Variants in TMEM108 observed in about 807,000 individuals in gnomAD.
TMEM108 encodes cancer/testis antigen 124.
TMEM108 carries 12 observed loss-of-function variants against 35.1 expected under a neutral mutation model. That is an observed-to-expected ratio of 0.34 (90% CI 0.22 to 0.55). The LOEUF (loss-of-function observed/expected upper bound fraction) is 0.55, where lower values mean the gene tolerates loss of function less well. Ranked by LOEUF, TMEM108 falls within the 20% of genes least tolerant of loss-of-function variation. The probability of loss-of-function intolerance (pLI) is 0.89; values close to 1 mark genes in which losing one functional copy is unlikely to be tolerated. For synonymous variants in TMEM108, 287 were observed against 308.6 expected (o/e 0.93, Z 0.73); for missense variants, 680 against 753.3 (o/e 0.90, Z 1.14).
At chr3:133,236,672 A>G (rs914102347) in intron 3 of TMEM108, among the ~76,000 whole-genome samples, 2 of 151,770 alleles carry the variant, frequency 1.3e-5, no homozygotes, top group South Asian at 4.1e-4. Context: ...TGCCTTTTCA[A>G]CTCTAACCAT....
chr3:133,390,966 G>A (rs2073226464), intron 5 of TMEM108, among the ~76,000 whole-genome samples: 1 of 152,180 alleles, frequency 6.6e-6, no homozygotes, highest in South Asian at 2.1e-4. Context: ...GCTGAGCTTT[G>A]AACCCAGGAC....
At chr3:133,130,530 C>G (rs1426725747) in intron 2 of TMEM108, among the ~76,000 whole-genome samples, 1 of 152,136 alleles carries the variant, frequency 6.6e-6, no homozygotes, top group Non-Finnish European at 1.5e-5. Context: ...GACTTCTGTA[C>G]CAGTTCACTG....
At chr3:133,137,427 C>T (rs899861853) in intron 2 of TMEM108, among the ~76,000 whole-genome samples, 2 of 152,148 alleles carry the variant, frequency 1.3e-5, no homozygotes, top group African/African-American at 2.4e-5. Flanking sequence ...ATCCCTTGAT[C>T]GAAACACCAT....
At chr3:133,242,478 C>G (rs1946327178) in intron 3 of TMEM108, among the ~76,000 whole-genome samples, 1 of 152,192 alleles carries the variant, frequency 6.6e-6, no homozygotes, top group Non-Finnish European at 1.5e-5. Context: ...GGATAGAGAG[C>G]TGAGTGTTTT....
At chr3:133,157,101 C>T (rs1175280571) in intron 2 of TMEM108, among the ~76,000 whole-genome samples, 1 of 152,138 alleles carries the variant, frequency 6.6e-6, no homozygotes, top group Non-Finnish European at 1.5e-5. Context: ...TACTTGAGTA[C>T]CTGGATATCC....
chr3:133,301,796 A>G (rs1206265925), intron 3 of TMEM108, among the ~76,000 whole-genome samples: 2 of 152,178 alleles, frequency 1.3e-5, no homozygotes, highest in Non-Finnish European at 2.9e-5. Context: ...CAGCACAAAA[A>G]CACTCAATGT....
chr3:133,138,687 T>G (rs1310064180), intron 2 of TMEM108, among the ~76,000 whole-genome samples: 1 of 152,174 alleles, frequency 6.6e-6, no homozygotes, highest in Non-Finnish European at 1.5e-5. Flanking sequence ...CCAATTTTTG[T>G]TTGTTAATTT....
intron 2 of TMEM108, among the ~76,000 whole-genome samples, chr3:133,178,214 A>C (rs184997416): frequency 6.6e-6 from 1 of 152,228 alleles, no homozygotes; most frequent in Non-Finnish European, 1.5e-5. Flanking sequence ...GGAAGAATCA[A>C]TATCGTGAAA....
At chr3:133,181,548 C>T (rs79864344) in intron 2 of TMEM108, among the ~76,000 whole-genome samples, 2,602 of 152,232 alleles carry the variant, frequency 0.017, 98 homozygotes, top group African/African-American at 0.059. Context: ...GGTTTCCCTT[C>T]CCACAGCCCA....
intron 3 of TMEM108, among the ~76,000 whole-genome samples, chr3:133,262,857 C>G (rs531374343): frequency 6.6e-6 from 1 of 152,324 alleles, no homozygotes; most frequent in South Asian, 2.1e-4. Flanking sequence ...CAAATATGTT[C>G]CCTTTTCTGA....
At chr3:133,158,781 T>C (rs937746295) in intron 2 of TMEM108, among the ~76,000 whole-genome samples, 2 of 152,156 alleles carry the variant, frequency 1.3e-5, no homozygotes, top group African/African-American at 2.4e-5. Flanking sequence ...AGATTTAATT[T>C]AGTTAAATAG....
intron 2 of TMEM108, among the ~76,000 whole-genome samples, chr3:133,054,275 A>C (rs560295777): frequency 6.6e-6 from 1 of 152,342 alleles, no homozygotes; most frequent in South Asian, 2.1e-4. Flanking sequence ...TGTTTTTTTG[A>C]GAAGTCTGAT....
intron 2 of TMEM108, among the ~76,000 whole-genome samples, chr3:133,220,323 C>A (rs1422590781): frequency 6.6e-6 from 1 of 151,914 alleles, no homozygotes; most frequent in Non-Finnish European, 1.5e-5. Context: ...GTTGACCAGG[C>A]TGGAGTGCAG....
At chr3:133,358,696 T>C (rs1331842112) in intron 3 of TMEM108, among the ~76,000 whole-genome samples, 1 of 152,118 alleles carries the variant, frequency 6.6e-6, no homozygotes, top group Non-Finnish European at 1.5e-5. Flanking sequence ...GTTTTTATTT[T>C]CTCCAGCCTC....
chr3:133,347,270 T>C (rs1398193310), intron 3 of TMEM108, among the ~76,000 whole-genome samples: 1 of 152,152 alleles, frequency 6.6e-6, no homozygotes, highest in Non-Finnish European at 1.5e-5. Flanking sequence ...TCTGTGAACA[T>C]AGAATATCTC....
intron 2 of TMEM108, among the ~76,000 whole-genome samples, chr3:133,161,992 G>A (rs1006440269): frequency 1.3e-5 from 2 of 152,158 alleles, no homozygotes; most frequent in African/African-American, 4.8e-5. Flanking sequence ...GTTGGGGGTG[G>A]TGGAAATGAG....
At chr3:133,274,285 C>T (rs754443992) in intron 3 of TMEM108, among the ~76,000 whole-genome samples, 3 of 152,132 alleles carry the variant, frequency 2.0e-5, no homozygotes, top group South Asian at 2.1e-4. Flanking sequence ...GTGCTTCTGT[C>T]GAGGCTGTAG....
Position 133,381,257 on chromosome 3 carries a change from T to C in TMEM108, c.1450+96T>C, listed in dbSNP as rs1191898641. On this transcript the variant is annotated intron_variant, in intron 4 of 5. Coordinates refer to ENST00000321871, the MANE Select transcript of TMEM108 (RefSeq NM_023943.4). Reference sequence around the variant, plus strand: ...TCCCTGATTTGGCATCCTTGCCAAGTGGGCTACAAAAATTCCCAGAATCTC... The same window carrying C: ...TCCCTGATTTGGCATCCTTGCCAAGCGGGCTACAAAAATTCCCAGAATCTC... The C allele has an allele frequency of 5.2e-6, 7 of 1,350,782 alleles. No homozygotes were observed. In the South Asian group the frequency reaches 5.9e-5, roughly 11 times the overall value. 83.7% of individuals were successfully genotyped at this position (1,350,782 alleles called of 1,614,324 possible).
At chr3:133,356,049 T>A (rs1016997741) in intron 3 of TMEM108, among the ~76,000 whole-genome samples, 1 of 152,152 alleles carries the variant, frequency 6.6e-6, no homozygotes, top group South Asian at 2.1e-4. Flanking sequence ...TGTTCTCCAA[T>A]GATATGATCA....
Sources: allele counts gnomAD v4.1 joint callset (sites outside exome capture counted in the v4.1 genomes callset), GRCh38; gene constraint gnomAD v4.1.1; transcripts MANE v1.5; gene names NCBI Gene and HGNC (gene_info 2026-07-23, HGNC 2026-07-21).